Variants in KAT6B observed in about 807,000 individuals in gnomAD.
KAT6B encodes histone acetyltransferase KAT6B.
In KAT6B, 10 loss-of-function variants were observed where a neutral mutation model predicts 187.5. The observed-to-expected ratio is 0.05, with a 90% confidence interval of 0.03 to 0.09. KAT6B has a LOEUF of 0.09. KAT6B is among the 10% of genes least tolerant of loss of function. KAT6B has a pLI of 1.00. For synonymous variants in KAT6B, 861 were observed against 926.8 expected (o/e 0.93, Z 1.29); for missense variants, 1,952 against 2,558.9 (o/e 0.76, Z 5.12).
chr10:74,898,353 C>G (rs923149679), intron 3 of KAT6B, among the ~76,000 whole-genome samples: 19 of 152,050 alleles, frequency 1.2e-4, no homozygotes, highest in Non-Finnish European at 1.5e-5. Context: ...TAGAAGATGA[C>G]TAAGATCATG....
rs189002123 is a variant in KAT6B, at chr10:75,030,331, A to G, written c.5507A>G (p.His1836Arg). 1.9e-6 allele frequency: 3 copies of G among 1,614,272 alleles called. No homozygotes were observed. Among genetic ancestry groups the G allele is most frequent in the East Asian group, 2.2e-5 (1 of 44,892 alleles). The change falls in exon 18 of 18, where the codon CAT becomes CGT. Residue 1836 changes from histidine (H) to arginine (R), a missense_variant. Coordinates refer to ENST00000287239, the MANE Select transcript of KAT6B (RefSeq NM_012330.4). This position sits in a 1 kb window ranked among gnomAD's most constrained non-coding sequence, Gnocchi z 4.8. The part of the protein sequence containing the change: ...TLIDHSLPYS[H>R]SAAVTSYANS... ...ATTGATCATTCATTGCCTTACAGCC[A>G]TTCCGCTGCTGTGACTTCCTATGCA... is the stretch of plus-strand genomic sequence containing the variant.
intron 3 of KAT6B, among the ~76,000 whole-genome samples, chr10:74,897,976 A>G (rs930771836): frequency 1.3e-5 from 2 of 152,162 alleles, no homozygotes; most frequent in African/African-American, 2.4e-5. Context: ...AGCAAGCATA[A>G]CAGACAAGCA....
chr10:74,859,364 C>T (rs1307291590), intron 3 of KAT6B, among the ~76,000 whole-genome samples: 1 of 152,036 alleles, frequency 6.6e-6, no homozygotes, highest in Non-Finnish European at 1.5e-5. Flanking sequence ...GGATTATAGG[C>T]GTGAGCCACT....
intron 4 of KAT6B, among the ~76,000 whole-genome samples, chr10:74,961,565 C>G (rs574561238): frequency 6.6e-6 from 1 of 152,092 alleles, no homozygotes; most frequent in Non-Finnish European, 1.5e-5. Flanking sequence ...ATAAGAAGTT[C>G]GAGATCATTA....
chr10:74,996,691 C>T (rs533042171), intron 13 of KAT6B, among the ~76,000 whole-genome samples: 42 of 148,370 alleles, frequency 2.8e-4, no homozygotes, highest in Non-Finnish European at 5.0e-4. Context: ...ATCACTTGAA[C>T]CTGGGAGGCG....
chr10:75,001,286 T>A (rs890919495), intron 13 of KAT6B, among the ~76,000 whole-genome samples: 25 of 152,136 alleles, frequency 1.6e-4, no homozygotes, highest in African/African-American at 5.8e-4. Context: ...CCCGGGCTTG[T>A]TTCTCCTTTA....
intron 3 of KAT6B, among the ~76,000 whole-genome samples, chr10:74,871,587 T>C (rs1357573139): frequency 6.6e-6 from 1 of 152,196 alleles, no homozygotes; most frequent in African/African-American, 2.4e-5. Context: ...ATCCCAGCAC[T>C]TAGGGAGGCT....
intron 3 of KAT6B, among the ~76,000 whole-genome samples, chr10:74,863,385 G>A (rs938419228): frequency 1.3e-5 from 2 of 152,098 alleles, no homozygotes; most frequent in Non-Finnish European, 2.9e-5. Flanking sequence ...AATTTAAGGT[G>A]CTCCTAAATC....
chr10:74,908,222 A>T (rs1190817820), intron 3 of KAT6B, among the ~76,000 whole-genome samples: 2 of 152,180 alleles, frequency 1.3e-5, no homozygotes, highest in Non-Finnish European at 2.9e-5. Context: ...GTCCCACCAG[A>T]TGTGAGGCCC....
intron 13 of KAT6B, among the ~76,000 whole-genome samples, chr10:75,005,306 C>G (rs905158241): frequency 2.0e-5 from 3 of 151,932 alleles, no homozygotes; most frequent in Admixed American, 6.6e-5. Context: ...CAGCCTCTGC[C>G]TCCCGGGTTC....
chr10:74,938,279 C>T (rs777164902), intron 3 of KAT6B, among the ~76,000 whole-genome samples: 7 of 152,178 alleles, frequency 4.6e-5, no homozygotes, highest in South Asian at 2.1e-4. Flanking sequence ...TTTAACAGGA[C>T]GTTAAAAGAT....
Position 74,970,293 on chromosome 10 carries a change from A to G in KAT6B, c.928+192A>G, listed in dbSNP as rs1489756806. ...AGCATAGAAAAAAATACATATATAT[A>G]TGTGTATATATATACATATATATAA... On this transcript the variant is annotated intron_variant, in intron 6 of 17. Transcript: ENST00000287239. Among the ~76,000 whole-genome samples, 7 of 151,538 alleles carry G rather than the reference A, an allele frequency of 4.6e-5. 1 individual carries two copies. The highest frequency in any genetic ancestry group is 2.6e-4 in the Admixed American group (4 of 15,214).
intron 3 of KAT6B, among the ~76,000 whole-genome samples, chr10:74,887,873 G>C (rs757210241): frequency 1.3e-3 from 205 of 152,072 alleles, no homozygotes; most frequent in Non-Finnish European, 1.7e-3. Flanking sequence ...TGTGGGGCAT[G>C]CGCCTATAAT....
chr10:74,955,385 C>CG (rs928987927), intron 3 of KAT6B, among the ~76,000 whole-genome samples: 2 of 124,434 alleles, frequency 1.6e-5, no homozygotes, highest in Non-Finnish European at 3.4e-5. Context: ...CAATTTTATC[C>CG]CCCCCCCCCC....
At position 74,969,934 on chromosome 10, in the gene KAT6B, A is replaced by G. The variant is rs1841740503; in HGVS notation, c.847-86A>G. ...TCTTGGTGCACTTTCCTTATATTGT[A>G]TTAATGTTAATCCAGTAACAAAAGA... is the stretch of plus-strand genomic sequence containing the variant. On this transcript the variant is annotated intron_variant, in intron 5 of 17. Coordinates refer to ENST00000287239, the MANE Select transcript of KAT6B (RefSeq NM_012330.4). The G allele has an allele frequency of 2.4e-5, 25 of 1,059,596 alleles. No homozygotes were observed. The South Asian group carries it at 3.3e-4, about 14-fold the overall frequency. The allele number at this position is 1,059,596 out of a possible 1,614,324, so 65.6% of individuals were successfully genotyped here.
At position 75,031,102 on chromosome 10, in the gene KAT6B, A is replaced by G; in HGVS notation, c.*56A>G. 3 of 1,597,916 alleles carry G rather than the reference A, an allele frequency of 1.9e-6. No individual in the cohort carries two copies. Among genetic ancestry groups the G allele is most frequent in the Non-Finnish European group, 2.6e-6 (3 of 1,169,684 alleles). On this transcript the variant is annotated 3_prime_UTR_variant, in exon 18 of 18. Transcript: ENST00000287239. ...GCATCACTATTGGATTGATCTGCAC[A>G]AATACCTTTGAAGAGTACGATTTCA...
At position 75,022,157 on chromosome 10, in the gene KAT6B, GAA is replaced by G. The variant is rs755095573; in HGVS notation, c.3299_3300del (p.Glu1100GlyfsTer36). ...AGAGGAGGAAGAAGAGGAAGAAGAAGAAGAAGAAGAAGAAAATATTCAAAGCT... is the reference window on the plus strand; with the variant it reads ...AGAGGAGGAAGAAGAGGAAGAAGAAGGAAGAAGAAGAAAATATTCAAAGCT... ...DEEEEEEEEEEEEEENIQSSP... is the reference protein window; with the variant it reads ...DEEEEEEEEEXEEEENIQSSP... On this transcript the variant is annotated frameshift_variant, in exon 16 of 18. Transcript: ENST00000287239. LOFTEE classifies it high-confidence loss of function. 2.5e-6 allele frequency: 4 copies of G among 1,613,218 alleles called. No individual in the cohort carries two copies. In the South Asian group the frequency reaches 4.4e-5, roughly 18 times the overall value.
intron 3 of KAT6B, among the ~76,000 whole-genome samples, chr10:74,850,032 G>T (rs1842374594): frequency 6.6e-6 from 1 of 151,226 alleles, no homozygotes; most frequent in Admixed American, 6.6e-5. Context: ...TCCGCCTTCC[G>T]GGTTCACGCC....
chr10:74,860,209 AT>A (rs1843084020), intron 3 of KAT6B, among the ~76,000 whole-genome samples: 1 of 152,106 alleles, frequency 6.6e-6, no homozygotes, highest in African/African-American at 2.4e-5. Flanking sequence ...GAAATCCATG[AT>A]TTGTGTCTCT....
Sources: allele counts gnomAD v4.1 joint callset (sites outside exome capture counted in the v4.1 genomes callset), GRCh38; gene constraint gnomAD v4.1.1; non-coding constraint Gnocchi (gnomAD v3.1); transcripts MANE v1.5; gene names NCBI Gene and HGNC (gene_info 2026-07-23, HGNC 2026-07-21).